Variants in ADGRL2 observed in about 807,000 individuals in gnomAD.
The protein encoded by ADGRL2 is adhesion G protein-coupled receptor L2.
Under a neutral mutation model 157.4 loss-of-function variants are expected in ADGRL2, and 44 were observed. The observed-to-expected ratio is 0.28, with a 90% CI of 0.22 to 0.36. The LOEUF (loss-of-function observed/expected upper bound fraction) is 0.36, where lower values mean the gene tolerates loss of function less well. Ranked by LOEUF, ADGRL2 falls within the 10% of genes least tolerant of loss-of-function variation. ADGRL2 has a pLI of 1.00. For missense variants in ADGRL2, 1,510 were observed against 1,768.9 expected, an observed-to-expected ratio of 0.85 and a Z score of 2.63; for synonymous variants, 585 against 624.7, an observed-to-expected ratio of 0.94 and a Z score of 0.95.
At chr1:81,517,208 C>T (rs892807952) in intron 2 of ADGRL2, among the ~76,000 whole-genome samples, 2 of 151,978 alleles carry the variant, frequency 1.3e-5, no homozygotes, top group South Asian at 2.1e-4. Context: ...CACGGTGGCT[C>T]ACGCCTGTAA....
At position 81,322,051 on chromosome 1, in the gene ADGRL2, T is replaced by C. The variant is rs150067564; in HGVS notation, c.-302+15542T>C. On this transcript the variant is annotated intron_variant, in intron 1 of 24. Transcript: ENST00000370721. ...TTATATATTTTTTGCCATACTATTTTTTTCAATGTTCTTCCTTAAATGTAC... is the reference window on the plus strand; with the variant it reads ...TTATATATTTTTTGCCATACTATTTCTTTCAATGTTCTTCCTTAAATGTAC... 3.5e-3 allele frequency among the ~76,000 whole-genome samples: 512 copies of C among 145,908 alleles called. 12 individuals are homozygous for C. The highest frequency in any genetic ancestry group is 0.027 in the Admixed American group (386 of 14,066).
At chr1:81,714,851 G>GCT (rs2084056261) in intron 1 of ADGRL2, among the ~76,000 whole-genome samples, 1 of 145,232 alleles carries the variant, frequency 6.9e-6, no homozygotes. Flanking sequence ...GGCATGTTTT[G>GCT]TTTTTTTTTT....
chr1:81,335,727 G>T (rs1441327725), intron 1 of ADGRL2, among the ~76,000 whole-genome samples: 1 of 151,576 alleles, frequency 6.6e-6, no homozygotes, highest in African/African-American at 2.4e-5. Context: ...CCATCTGTCA[G>T]TTTTCACTGA....
chr1:81,851,913 A>C (rs2150529886), intron 2 of ADGRL2, among the ~76,000 whole-genome samples: 1 of 152,154 alleles, frequency 6.6e-6, no homozygotes, highest in South Asian at 2.1e-4. Context: ...TGCAGAGTAC[A>C]ACTATAGGAT....
At chr1:81,574,758 GC>G (rs915291707) in intron 2 of ADGRL2, among the ~76,000 whole-genome samples, 1 of 152,132 alleles carries the variant, frequency 6.6e-6, no homozygotes, top group African/African-American at 2.4e-5. Flanking sequence ...AATAGTAACA[GC>G]TTTCACACAA....
chr1:81,813,030 G>A (rs1267793482), intron 1 of ADGRL2, among the ~76,000 whole-genome samples: 1 of 151,682 alleles, frequency 6.6e-6, no homozygotes, highest in Admixed American at 6.6e-5. Context: ...GTTTAGGTAA[G>A]CAGGATGATA....
chr1:81,851,596 A>G (rs981559418), intron 2 of ADGRL2, among the ~76,000 whole-genome samples: 27 of 151,832 alleles, frequency 1.8e-4, no homozygotes, highest in Admixed American at 1.6e-3. Context: ...ACCTGAAAAT[A>G]TATTACTTTT....
intron 3 of ADGRL2, among the ~76,000 whole-genome samples, chr1:81,660,037 C>T (rs997878978): frequency 6.6e-5 from 10 of 152,148 alleles, no homozygotes; most frequent in Non-Finnish European, 1.3e-4. Flanking sequence ...GCCCTTTTGA[C>T]AATCTATCAC....
At chr1:81,980,869 A>T in intron 18 of ADGRL2, 1 of 650,280 alleles carries the variant, frequency 1.5e-6, no homozygotes, top group Admixed American at 2.1e-5. Context: ...TAACAAATTT[A>T]TGGCATGATT....
At chr1:81,551,233 A>G (rs1472087404) in intron 2 of ADGRL2, among the ~76,000 whole-genome samples, 1 of 152,160 alleles carries the variant, frequency 6.6e-6, no homozygotes, top group African/African-American at 2.4e-5. Context: ...TGAAAGCCCT[A>G]AGGACAGGTT....
At chr1:81,435,988 G>A (rs571032990) in intron 1 of ADGRL2, among the ~76,000 whole-genome samples, 18 of 152,166 alleles carry the variant, frequency 1.2e-4, no homozygotes, top group Non-Finnish European at 1.6e-4. Context: ...CCAGCTACTC[G>A]GGAGGCTGAG....
At chr1:81,817,629 A>G (rs1479467798) in intron 1 of ADGRL2, among the ~76,000 whole-genome samples, 1 of 152,090 alleles carries the variant, frequency 6.6e-6, no homozygotes, top group African/African-American at 2.4e-5. Context: ...TCAAGACTAT[A>G]TTAATCTAAT....
intron 1 of ADGRL2, among the ~76,000 whole-genome samples, chr1:81,708,819 T>G (rs916106943): frequency 1.3e-5 from 2 of 152,150 alleles, no homozygotes; most frequent in Non-Finnish European, 2.9e-5. Context: ...GCTTTGGGCT[T>G]GTATAAGCTT....
intron 1 of ADGRL2, among the ~76,000 whole-genome samples, chr1:81,750,467 C>T (rs2149264409): frequency 6.6e-6 from 1 of 152,260 alleles, no homozygotes; most frequent in Admixed American, 6.5e-5. Flanking sequence ...GCCTGTAATC[C>T]CAGCACTTTG....
chr1:81,910,954 A>T (rs1376367781), intron 3 of ADGRL2, among the ~76,000 whole-genome samples: 1 of 151,756 alleles, frequency 6.6e-6, no homozygotes. Flanking sequence ...GTGATGATAG[A>T]GATGGGCATA....
chr1:81,533,273 G>A (rs1006604206), intron 2 of ADGRL2, among the ~76,000 whole-genome samples: 2 of 152,092 alleles, frequency 1.3e-5, no homozygotes, highest in Non-Finnish European at 2.9e-5. Flanking sequence ...CAGCTACTCG[G>A]GAGGCTGAGG....
Position 81,981,895 on chromosome 1 carries a change from T to G in ADGRL2, c.3201T>G (p.Ile1067Met). The change falls in exon 19 of 24, where the codon ATT becomes ATG. Residue 1067 changes from isoleucine to methionine, a missense_variant. Ile to Met is a conservative substitution (Grantham distance 10). Around this residue, in one of 4 missense-constraint regions of ADGRL2, gnomAD observed 497 missense variants for 627.2 expected, o/e 0.79. Transcript: ENST00000686636. ...TGCTTTTTATTAATGAGGAGACTATTGTGATGGCATATCTCTTCACTATAT... is the reference window on the plus strand; with the variant it reads ...TGCTTTTTATTAATGAGGAGACTATGGTGATGGCATATCTCTTCACTATAT... The part of the protein sequence containing the change: ...FGLLFINEET[I>M]VMAYLFTIFN... 1 of 1,611,932 alleles carries G rather than the reference T, an allele frequency of 6.2e-7. No homozygotes were observed. Among genetic ancestry groups the G allele is most frequent in the Non-Finnish European group, 8.5e-7 (1 of 1,178,392 alleles).
At chr1:81,967,029 C>A (rs1198444957) in intron 13 of ADGRL2, among the ~76,000 whole-genome samples, 1 of 151,928 alleles carries the variant, frequency 6.6e-6, no homozygotes, top group Non-Finnish European at 1.5e-5. Context: ...CAGCTGTTAC[C>A]AAGTATTGTG....
chr1:81,352,114 G>A (rs184050506), intron 1 of ADGRL2, among the ~76,000 whole-genome samples: 6 of 152,364 alleles, frequency 3.9e-5, no homozygotes, highest in South Asian at 4.1e-4. Flanking sequence ...GTGCACACAC[G>A]TGTGCTGGGT....
Sources: allele counts gnomAD v4.1 joint callset (sites outside exome capture counted in the v4.1 genomes callset), GRCh38; gene constraint gnomAD v4.1.1; regional missense constraint gnomAD v4.1.1; transcripts MANE v1.5; gene names NCBI Gene and HGNC (gene_info 2026-07-23, HGNC 2026-07-21).